Variants in KIAA0825 observed in about 807,000 individuals in gnomAD.
KIAA0825 encodes the protein KIAA0825, also known as uncharacterized protein KIAA0825.
A neutral mutation model predicts 147.6 loss-of-function variants in KIAA0825; 119 were observed. That is an observed-to-expected ratio of 0.81 (90% CI 0.69 to 0.94). KIAA0825 has a LOEUF of 0.94. Ranked by LOEUF, KIAA0825 falls within the 40% of genes least tolerant of loss-of-function variation. KIAA0825 has a pLI of 0.00. For missense variants in KIAA0825, 1,381 were observed against 1,472.7 expected, an observed-to-expected ratio of 0.94 and a Z score of 1.02; for synonymous variants, 470 against 518.1, an observed-to-expected ratio of 0.91 and a Z score of 1.26.
chr5:94,252,915 G>A (rs2150123551), intron 20 of KIAA0825, among the ~76,000 whole-genome samples: 1 of 152,038 alleles, frequency 6.6e-6, no homozygotes, highest in Non-Finnish European at 1.5e-5. Flanking sequence ...ACTACCTTCG[G>A]TACAGATTAA....
chr5:94,599,477 C>G (rs1180712610), intron 1 of KIAA0825, among the ~76,000 whole-genome samples: 1 of 150,860 alleles, frequency 6.6e-6, no homozygotes, highest in African/African-American at 2.4e-5. Context: ...AAGAATTATA[C>G]TTGGACTCTT....
intron 1 of KIAA0825, chr5:94,593,863 G>A (rs994858710): frequency 1.1e-5 from 4 of 370,410 alleles, no homozygotes; most frequent in African/African-American, 6.4e-5. Flanking sequence ...TGTCCATTCT[G>A]GCCTCTGCTA....
At chr5:94,385,422 G>A (rs1417211598) in intron 19 of KIAA0825, among the ~76,000 whole-genome samples, 1 of 152,102 alleles carries the variant, frequency 6.6e-6, no homozygotes, top group Non-Finnish European at 1.5e-5. Context: ...GCTGTAACAG[G>A]CATGGTAAAA....
chr5:94,334,569 G>A (rs1048766729), intron 20 of KIAA0825, among the ~76,000 whole-genome samples: 14 of 152,092 alleles, frequency 9.2e-5, no homozygotes, highest in Admixed American at 3.3e-4. Flanking sequence ...TGCAACCTCC[G>A]ACTCCCAGGT....
rs146932725 is a variant in KIAA0825 at position 94,439,907 on chromosome 5, C to A, written c.2497+75G>T. On this transcript the variant is annotated intron_variant, in intron 14 of 20. Transcript: ENST00000682413. Reference sequence around the variant, plus strand: ...TTTACATCTTTCTTCCAATGTTTGCCTAGGAAAAAAATGTTATTCAACTCG... The same window carrying A: ...TTTACATCTTTCTTCCAATGTTTGCATAGGAAAAAAATGTTATTCAACTCG... The A allele has an allele frequency of 1.3e-3, 1,808 of 1,421,914 alleles. 17 individuals are homozygous for A. In the African/African-American group the frequency reaches 0.024, roughly 19 times the overall value. 88.1% of individuals were successfully genotyped at this position (1,421,914 alleles called of 1,614,324 possible). A position where few individuals can be genotyped will look rare whatever the true frequency, so the allele number is the denominator to read the frequency against.
intron 20 of KIAA0825, among the ~76,000 whole-genome samples, chr5:94,187,017 A>C (rs1374430878): frequency 6.6e-6 from 1 of 152,214 alleles, no homozygotes; most frequent in Non-Finnish European, 1.5e-5. Context: ...ATAGAAAATT[A>C]CTGCAAGTTC....
chr5:94,603,976 A>T (rs1310066331), intron 1 of KIAA0825, among the ~76,000 whole-genome samples: 2 of 152,174 alleles, frequency 1.3e-5, no homozygotes, highest in East Asian at 3.8e-4. Context: ...ACAATAATAA[A>T]TGAGAGACTT....
intron 20 of KIAA0825, among the ~76,000 whole-genome samples, chr5:94,320,478 C>G (rs568558680): frequency 1.3e-4 from 20 of 151,012 alleles, no homozygotes; most frequent in Admixed American, 6.6e-5. Context: ...TCATCCACCC[C>G]CCTCACCACC....
intron 20 of KIAA0825, among the ~76,000 whole-genome samples, chr5:94,189,997 C>T (rs62367167): frequency 0.011 from 1,643 of 152,050 alleles, 15 homozygotes; most frequent in Non-Finnish European, 0.013. Flanking sequence ...TAAGTGTTCG[C>T]GTCTTGCATA....
intron 5 of KIAA0825, among the ~76,000 whole-genome samples, chr5:94,513,680 T>G (rs768240183): frequency 6.6e-6 from 1 of 151,974 alleles, no homozygotes; most frequent in Non-Finnish European, 1.5e-5. Flanking sequence ...GAAAAAAAAG[T>G]TTTAGATAAA....
intron 20 of KIAA0825, among the ~76,000 whole-genome samples, chr5:94,362,131 T>G (rs1745146099): frequency 6.6e-6 from 1 of 152,206 alleles, no homozygotes; most frequent in Non-Finnish European, 1.5e-5. Context: ...AAAATTTTAG[T>G]GACAGTCTAC....
At chr5:94,580,949 T>G (rs188465573) in intron 2 of KIAA0825, among the ~76,000 whole-genome samples, 2 of 144,304 alleles carry the variant, frequency 1.4e-5, no homozygotes, top group Admixed American at 1.4e-4. Flanking sequence ...TTTACTTTCA[T>G]TTTACTTTCT....
At position 94,205,846 on chromosome 5, in the gene KIAA0825, T is replaced by C. The variant is rs187107464; in HGVS notation, c.3711-51722A>G. Among the ~76,000 whole-genome samples the C allele has an allele frequency of 4.7e-3, 722 of 152,292 alleles. 6 individuals are homozygous for C. The highest frequency in any genetic ancestry group is 0.016 in the African/African-American group (671 of 41,572). Reference sequence around the variant, plus strand: ...TTGTCAGCTAGGATGCCCATATAATTTTATCCTTAGAGAACAAAGAAACTG... The same window carrying C: ...TTGTCAGCTAGGATGCCCATATAATCTTATCCTTAGAGAACAAAGAAACTG... On this transcript the variant is annotated intron_variant, in intron 20 of 20. Coordinates refer to ENST00000682413, the MANE Select transcript of KIAA0825 (RefSeq NM_001145678.3).
chr5:94,248,477 A>C (rs747687060), intron 20 of KIAA0825, among the ~76,000 whole-genome samples: 2 of 152,182 alleles, frequency 1.3e-5, no homozygotes, highest in Non-Finnish European at 2.9e-5. Context: ...AAAGGTCATC[A>C]GTGAATAATA....
At chr5:94,291,594 G>C (rs1007700082) in intron 20 of KIAA0825, among the ~76,000 whole-genome samples, 1 of 152,044 alleles carries the variant, frequency 6.6e-6, no homozygotes, top group Non-Finnish European at 1.5e-5. Context: ...TTGGCTATAC[G>C]GGCTCTTTTT....
At chr5:94,330,711 C>CAAAA (rs3077674) in intron 20 of KIAA0825, among the ~76,000 whole-genome samples, 29,968 of 151,664 alleles carry the variant, frequency 0.2, 3,416 homozygotes, top group Middle Eastern at 0.26. Context: ...AAACTAAAAA[C>CAAAA]AAAATAGAGA....
At chr5:94,445,313 T>C (rs1757591021) in intron 13 of KIAA0825, among the ~76,000 whole-genome samples, 1 of 152,132 alleles carries the variant, frequency 6.6e-6, no homozygotes, top group Non-Finnish European at 1.5e-5. Flanking sequence ...AATATATAGC[T>C]CTTTACTAAC....
rs527444824 is a variant in KIAA0825 at position 94,566,358 on chromosome 5, C to T, written c.-2+16075G>A. 2.4e-4 allele frequency among the ~76,000 whole-genome samples: 36 copies of T among 152,064 alleles called. 1 individual carries two copies. The South Asian group carries it at 4.8e-3, about 20-fold the overall frequency. ...CTTTTTTGAGATTAAAAAGCAGGTACCAAAAATTATTAAAATTATATGATT... is the reference window on the plus strand; with the variant it reads ...CTTTTTTGAGATTAAAAAGCAGGTATCAAAAATTATTAAAATTATATGATT... On this transcript the variant is annotated intron_variant, in intron 2 of 20. Coordinates refer to ENST00000682413, the MANE Select transcript of KIAA0825 (RefSeq NM_001145678.3).
At chr5:94,211,814 C>T (rs530705319) in intron 20 of KIAA0825, among the ~76,000 whole-genome samples, 4 of 152,162 alleles carry the variant, frequency 2.6e-5, no homozygotes, top group African/African-American at 9.6e-5. Flanking sequence ...TATTTAACTC[C>T]AGGATCATCA....
Sources: gnomAD v4.1 joint callset for allele counts (sites outside exome capture counted in the v4.1 genomes callset) on GRCh38, gnomAD v4.1.1 for gene constraint, MANE v1.5 for transcripts, NCBI Gene and HGNC (gene_info 2026-07-23, HGNC 2026-07-21) for gene names.